NKAIN2: variants seen among roughly 807,000 people sequenced by gnomAD.
The protein encoded by NKAIN2 is sodium/potassium transporting ATPase interacting 2, also known as sodium/potassium-transporting ATPase subunit beta-1-interacting protein 2.
In NKAIN2, 14 loss-of-function variants were observed where a neutral mutation model predicts 32.6. The observed-to-expected ratio is 0.43, with a 90% CI of 0.28 to 0.67. The LOEUF (loss-of-function observed/expected upper bound fraction) is 0.67. NKAIN2 is among the 30% of genes least tolerant of loss of function. The pLI, the probability that NKAIN2 is intolerant of heterozygous loss-of-function variation, is 0.17. For missense variants in NKAIN2, 198 were observed against 258.3 expected (o/e 0.77, Z 1.60); for synonymous variants, 80 against 87.2 (o/e 0.92, Z 0.46).
At chr6:124,466,248 A>G (rs529128009) in intron 3 of NKAIN2, among the ~76,000 whole-genome samples, 11 of 152,146 alleles carry the variant, frequency 7.2e-5, no homozygotes, top group South Asian at 4.1e-4. Flanking sequence ...ATGACGTTAT[A>G]ACTCTCATGG....
chr6:124,354,399 G>A (rs17051695), intron 2 of NKAIN2, among the ~76,000 whole-genome samples: 2,578 of 152,174 alleles, frequency 0.017, 76 homozygotes, highest in East Asian at 0.11. Flanking sequence ...CTATGTCTTA[G>A]TAAGAAAATC....
At chr6:124,515,099 G>T (rs1361924341) in intron 3 of NKAIN2, among the ~76,000 whole-genome samples, 1 of 152,124 alleles carries the variant, frequency 6.6e-6, no homozygotes, top group Admixed American at 6.5e-5. Context: ...ATATTTCAGA[G>T]AGACTGCAGG....
At chr6:124,306,867 A>C (rs1178391153) in intron 2 of NKAIN2, among the ~76,000 whole-genome samples, 3 of 152,170 alleles carry the variant, frequency 2.0e-5, no homozygotes, top group Non-Finnish European at 2.9e-5. Context: ...TAAGCTAAAC[A>C]ATATTAAGGC....
At chr6:124,239,458 C>T (rs1409135301) in intron 1 of NKAIN2, among the ~76,000 whole-genome samples, 4 of 152,142 alleles carry the variant, frequency 2.6e-5, no homozygotes, top group South Asian at 2.1e-4. Flanking sequence ...CTCAGCACCA[C>T]GTCACACTTA....
At chr6:123,878,613 T>C (rs1773290791) in intron 1 of NKAIN2, among the ~76,000 whole-genome samples, 1 of 152,180 alleles carries the variant, frequency 6.6e-6, no homozygotes, top group African/African-American at 2.4e-5. Context: ...TTTTTCAAAC[T>C]CCAAATATGA....
intron 4 of NKAIN2, among the ~76,000 whole-genome samples, chr6:124,789,403 G>A (rs1046422433): frequency 1.3e-5 from 2 of 152,042 alleles, no homozygotes; most frequent in Non-Finnish European, 2.9e-5. Context: ...AACTCAATGT[G>A]GAGGAAGAGG....
intron 1 of NKAIN2, among the ~76,000 whole-genome samples, chr6:124,275,827 A>G (rs1795003499): frequency 9.2e-6 from 1 of 109,224 alleles, no homozygotes; most frequent in Non-Finnish European, 1.7e-5. Flanking sequence ...AATATAAAAT[A>G]ATTAATAATA....
At chr6:124,270,661 C>A (rs1298341754) in intron 1 of NKAIN2, among the ~76,000 whole-genome samples, 1 of 152,162 alleles carries the variant, frequency 6.6e-6, no homozygotes, top group African/African-American at 2.4e-5. Context: ...ATAGATGCTG[C>A]TGATGATAAA....
chr6:124,432,186 C>G (rs1048112731), intron 3 of NKAIN2, among the ~76,000 whole-genome samples: 7 of 152,066 alleles, frequency 4.6e-5, no homozygotes, highest in African/African-American at 1.7e-4. Flanking sequence ...TCAGGTGGCC[C>G]CTTTTTCTGG....
intron 1 of NKAIN2, among the ~76,000 whole-genome samples, chr6:124,206,638 C>A (rs766601007): frequency 2.1e-4 from 32 of 151,878 alleles, no homozygotes; most frequent in Admixed American, 6.6e-4. Flanking sequence ...ATTATTCTAT[C>A]AGTTATCTTT....
chr6:124,088,742 G>T (rs889764966), intron 1 of NKAIN2, among the ~76,000 whole-genome samples: 1 of 151,910 alleles, frequency 6.6e-6, no homozygotes, highest in Non-Finnish European at 1.5e-5. Context: ...GAGTTGATTT[G>T]CATATGGTAC....
At chr6:124,709,415 T>C (rs894333199) in intron 4 of NKAIN2, among the ~76,000 whole-genome samples, 56 of 151,606 alleles carry the variant, frequency 3.7e-4, no homozygotes, top group African/African-American at 1.3e-3. Flanking sequence ...GAAGGAATGG[T>C]ACCAGTTCCT....
chr6:124,171,766 G>A (rs1333895095), intron 1 of NKAIN2, among the ~76,000 whole-genome samples: 1 of 150,684 alleles, frequency 6.6e-6, no homozygotes, highest in Non-Finnish European at 1.5e-5. Flanking sequence ...TGCCCAGGCT[G>A]GTCTCGAACT....
At chr6:124,305,452 G>C (rs559937715) in intron 2 of NKAIN2, among the ~76,000 whole-genome samples, 3 of 152,284 alleles carry the variant, frequency 2.0e-5, no homozygotes, top group African/African-American at 7.2e-5. Flanking sequence ...ATATGTTGTT[G>C]ATAATTCTGA....
rs915960233 is a variant in NKAIN2 at position 123,859,721 on chromosome 6, G to A, written c.54+55467G>A. Among the ~76,000 whole-genome samples the A allele has an allele frequency of 3.8e-4, 57 of 152,000 alleles. 1 individual carries two copies. Among genetic ancestry groups the A allele is most frequent in the African/African-American group, 1.4e-3 (57 of 41,388 alleles). On this transcript the variant is annotated intron_variant, in intron 1 of 6. Transcript: ENST00000368417. ...TTGTTTGTTTTTGAGATGGAGTCTC[G>A]CTCTTGTCACCCAGGCTGTAGTGCA...
At chr6:124,593,092 C>A (rs1781968346) in intron 3 of NKAIN2, among the ~76,000 whole-genome samples, 1 of 152,064 alleles carries the variant, frequency 6.6e-6, no homozygotes, top group Non-Finnish European at 1.5e-5. Flanking sequence ...CACTTGTAAA[C>A]CTTTAATATT....
At chr6:124,490,351 GA>G (rs1242805919) in intron 3 of NKAIN2, 1 of 436,706 alleles carries the variant, frequency 2.3e-6, no homozygotes, top group Non-Finnish European at 4.6e-6. Context: ...GGAATTACAT[GA>G]ATGTGGCAAA....
At chr6:124,008,505 A>AG (rs5879713) in intron 1 of NKAIN2, among the ~76,000 whole-genome samples, 136,792 of 152,092 alleles carry the variant, frequency 0.9, 61,759 homozygotes, top group East Asian at 0.98. Flanking sequence ...CACCCTTGGT[A>AG]AAAGGAAATG....
chr6:124,062,078 T>A (rs546340059), intron 1 of NKAIN2, among the ~76,000 whole-genome samples: 2 of 152,212 alleles, frequency 1.3e-5, no homozygotes, highest in Non-Finnish European at 2.9e-5. Context: ...TCTTTCAATC[T>A]GTTGCTCAAG....
Sources: allele counts gnomAD v4.1 joint callset (sites outside exome capture counted in the v4.1 genomes callset), GRCh38; gene constraint gnomAD v4.1.1; transcripts MANE v1.5; gene names NCBI Gene and HGNC (gene_info 2026-07-23, HGNC 2026-07-21).